The following TAC3 variants were observed in gnomAD, a reference collection of about 807,000 sequenced individuals.
TAC3 encodes tachykinin precursor 3, also known as tachykinin-3.
Under a neutral mutation model 16.5 loss-of-function variants are expected in TAC3, and 9 were observed. The observed-to-expected ratio is 0.55, with a 90% CI of 0.33 to 0.95. TAC3 has a LOEUF of 0.95. Ranked by LOEUF, TAC3 falls within the 40% of genes least tolerant of loss-of-function variation. The pLI is 0.03. For missense variants in TAC3, 129 were observed against 149.1 expected (o/e 0.87, Z 0.70); for synonymous variants, 52 against 56.7 (o/e 0.92, Z 0.37).
Position 57,016,482 on chromosome 12 carries a change from G to C in TAC3, c.-101C>G, listed in dbSNP as rs779534523. The C allele has an allele frequency of 6.6e-6, 3 of 454,374 alleles. No individual in the cohort carries two copies. Among genetic ancestry groups the C allele is most frequent in the Non-Finnish European group, 1.3e-5 (3 of 226,786 alleles). 28.1% of individuals were successfully genotyped at this position (454,374 alleles called of 1,614,324 possible). ...GCTCCCCTCACACACTGGTGCTGCC[G>C]GTGCTCCTGCAAAGAGAGAAACCGA... On this transcript the variant is annotated 5_prime_UTR_variant, in exon 1 of 7. Coordinates refer to ENST00000458521, the MANE Select transcript of TAC3 (RefSeq NM_013251.4).
chr12:57,012,122 C>G (rs967134119), intron 6 of TAC3: 15 of 524,384 alleles, frequency 2.9e-5, no homozygotes, highest in Admixed American at 6.3e-5. Context: ...CTCCTCATCT[C>G]CCAACACTCA....
rs561917155 is a variant in TAC3, at chr12:57,011,358, C to T, written c.*1+1020G>A. Among the ~76,000 whole-genome samples the T allele has an allele frequency of 6.6e-5, 10 of 152,320 alleles. 1 individual carries two copies. Among genetic ancestry groups the T allele is most frequent in the African/African-American group, 2.4e-4 (10 of 41,556 alleles). ...TTACGAGCCTTCCCAATCTCTCTCC[C>T]TCTCCTTTTCACTCCCTCCACCCCA... On this transcript the variant is annotated intron_variant, in intron 6 of 6. Coordinates refer to ENST00000458521, the MANE Select transcript of TAC3 (RefSeq NM_013251.4).
intron 2 of TAC3, 123 bp from the exon 3 acceptor site, chr12:57,013,794 T>C: frequency 1.2e-6 from 1 of 840,836 alleles, no homozygotes; most frequent in Non-Finnish European, 1.9e-6. Context: ...TCTTTCAGAG[T>C]TTCCTCTGGT....
In TAC3 at chr12:57,012,802, G is replaced by A. The variant is rs780593292; in HGVS notation, c.292+20C>T. On this transcript the variant is annotated intron_variant, in intron 5 of 6. Coordinates refer to ENST00000458521, the MANE Select transcript of TAC3 (RefSeq NM_013251.4). ...TGCCAGTACCCTAAGCCCTTCCACT[G>A]TACCTCCACACACTCCTACCTGGCT... is the stretch of plus-strand genomic sequence containing the variant. The A allele has an allele frequency of 6.2e-7, 1 of 1,614,058 alleles. No individual in the cohort carries two copies. The highest frequency in any genetic ancestry group is 8.5e-7 in the Non-Finnish European group (1 of 1,179,994).
chr12:57,012,337 C>A, intron 6 of TAC3, 41 bp downstream of exon 6: 2 of 1,573,248 alleles, frequency 1.3e-6, no homozygotes, highest in South Asian at 1.1e-5. Flanking sequence ...CCACAGCCCC[C>A]TCCCCAGTCC....
intron 4 of TAC3, chr12:57,013,150 G>T: frequency 1.4e-6 from 1 of 734,162 alleles, no homozygotes; most frequent in Non-Finnish European, 2.3e-6. Flanking sequence ...GGACCAGCCA[G>T]CAGAGGGAGA....
chr12:57,012,365 G>A lies in TAC3; in HGVS notation c.*1+13C>T. 6 of 1,442,664 alleles carry A rather than the reference G, an allele frequency of 4.2e-6. No homozygotes were observed. Among genetic ancestry groups the A allele is most frequent in the South Asian group, 1.1e-5 (1 of 87,776 alleles). 89.4% of individuals were successfully genotyped at this position (1,442,664 alleles called of 1,614,324 possible). On this transcript the variant is annotated intron_variant, in intron 6 of 6. Coordinates refer to ENST00000458521, the MANE Select transcript of TAC3 (RefSeq NM_013251.4). ...CCCAGTCCCCTCTCCCCTCTCTAAT[G>A]AACAATCCTTACCCTATTCTGCTCT...
chr12:57,012,223 T>C (rs1373789336), intron 6 of TAC3, 155 bp downstream of exon 6: 2 of 701,700 alleles, frequency 2.9e-6, no homozygotes, highest in Non-Finnish European at 5.0e-6. Flanking sequence ...TCTAAGTGTC[T>C]TTGTGTTTGG....
intron 5 of TAC3, 171 bp from the exon 6 acceptor site, chr12:57,012,623 T>G: frequency 6.2e-7 from 1 of 1,612,996 alleles, no homozygotes; most frequent in East Asian, 2.2e-5. Context: ...AGGACTACCT[T>G]ATAAAGGTCT....
intron 4 of TAC3, 188 bp downstream of exon 4, chr12:57,013,171 C>T: frequency 2.6e-6 from 2 of 772,160 alleles, no homozygotes; most frequent in Non-Finnish European, 2.2e-6. Context: ...GCCCACCATG[C>T]CCCTCACACC....
In TAC3 at chr12:57,013,500, C is replaced by T. The variant is rs920239097; in HGVS notation, c.208+78G>A. 81 of 1,592,314 alleles carry T rather than the reference C, an allele frequency of 5.1e-5. 1 individual carries two copies. Among genetic ancestry groups the T allele is most frequent in the African/African-American group, 3.4e-4 (25 of 74,430 alleles). On this transcript the variant is annotated intron_variant, in intron 3 of 6. Transcript: ENST00000458521. The stretch of plus-strand genomic sequence containing the variant: ...ACTAAGCTATCCCCCATCTCTCTCC[C>T]ATCTGAAAGGATCTCCCAGGCCTCT...
rs1956318350 is a variant in TAC3, at chr12:57,012,702, C to T, written c.292+120G>A. 2.5e-6 allele frequency: 4 copies of T among 1,613,174 alleles called. No homozygotes were observed. The African/African-American group carries it at 4.0e-5, about 16-fold the overall frequency. The stretch of plus-strand genomic sequence containing the variant: ...TGATTGGGATGAAGGGGCCGAGGAA[C>T]CCTCACTGAAGGTAAGAAAGGTCCT... On this transcript the variant is annotated intron_variant, in intron 5 of 6. Coordinates refer to ENST00000458521, the MANE Select transcript of TAC3 (RefSeq NM_013251.4).
At chr12:57,016,246 G>A (rs913420139) in intron 1 of TAC3, 141 bp downstream of exon 1, 8 of 349,188 alleles carry the variant, frequency 2.3e-5, no homozygotes, top group Admixed American at 7.6e-5. Flanking sequence ...ACCAGCTCTC[G>A]GCCCTACAGG....
At chr12:57,014,555 T>A (rs1157941623) in intron 2 of TAC3, among the ~76,000 whole-genome samples, 2 of 152,120 alleles carry the variant, frequency 1.3e-5, no homozygotes, top group Admixed American at 1.3e-4. Flanking sequence ...ATCCCTCTCA[T>A]TCATTGACCA....
At chr12:57,014,926 C>T (rs983090942) in intron 2 of TAC3, among the ~76,000 whole-genome samples, 5 of 152,164 alleles carry the variant, frequency 3.3e-5, no homozygotes, top group African/African-American at 4.8e-5. Context: ...AAGTCCCACC[C>T]GCAATCATCT....
chr12:57,010,935 T>C (rs887083859), intron 6 of TAC3: 2 of 152,272 alleles, frequency 1.3e-5, no homozygotes, highest in Admixed American at 6.5e-5. Context: ...TAAAAGTAGA[T>C]TTCCACAATG....
chr12:57,012,888 G>T lies in TAC3; in HGVS notation c.239-13C>A. 1 of 1,614,098 alleles carries T rather than the reference G, an allele frequency of 6.2e-7. No homozygotes were observed. Among genetic ancestry groups the T allele is most frequent in the Middle Eastern group, 1.6e-4 (1 of 6,062 alleles). ...TCATGCATGTCACCTGCAGAAAAGG[G>T]CCAACATTGTCAGCAGTGATGATGA... On this transcript the variant is annotated splice_polypyrimidine_tract_variant and intron_variant, in intron 4 of 6. Coordinates refer to ENST00000458521, the MANE Select transcript of TAC3 (RefSeq NM_013251.4).
intron 5 of TAC3, 126 bp downstream of exon 5, chr12:57,012,696 G>A (rs762781359): frequency 6.8e-6 from 11 of 1,612,900 alleles, no homozygotes; most frequent in East Asian, 6.7e-5. Flanking sequence ...TGAAGGGGCC[G>A]AGGAACCCTC....
intron 5 of TAC3, 50 bp downstream of exon 5, chr12:57,012,772 T>TA (rs780537976): frequency 6.2e-7 from 1 of 1,614,062 alleles, no homozygotes; most frequent in South Asian, 1.1e-5. Flanking sequence ...ACTTCTGTCA[T>TA]ACTCTGCCAG....
Sources: allele counts gnomAD v4.1 joint callset (sites outside exome capture counted in the v4.1 genomes callset), GRCh38; gene constraint gnomAD v4.1.1; transcripts MANE v1.5; gene names NCBI Gene and HGNC (gene_info 2026-07-23, HGNC 2026-07-21).